Variants in GRID2 observed in about 807,000 individuals in gnomAD.
GRID2 encodes glutamate receptor ionotropic, delta-2.
In GRID2, 33 loss-of-function variants were observed where a neutral mutation model predicts 114.8. The ratio of observed to expected loss-of-function variants is 0.29; its 90% CI spans 0.22 to 0.38. The LOEUF (loss-of-function observed/expected upper bound fraction) is 0.38. GRID2 is among the 10% of genes least tolerant of loss of function. GRID2 has a pLI of 1.00. For synonymous variants in GRID2, 505 were observed against 449.9 expected (o/e 1.12, Z -1.55); for missense variants, 1,184 against 1,257.7 (o/e 0.94, Z 0.89).
chr4:93,704,328 C>T (rs941599917), intron 14 of GRID2, among the ~76,000 whole-genome samples: 7 of 152,124 alleles, frequency 4.6e-5, no homozygotes, highest in Non-Finnish European at 8.8e-5. Flanking sequence ...CCTTCACCCA[C>T]TTTTTGATGG....
intron 4 of GRID2, among the ~76,000 whole-genome samples, chr4:93,126,116 C>T (rs1214356483): frequency 6.6e-6 from 1 of 152,070 alleles, no homozygotes; most frequent in Admixed American, 6.6e-5. Context: ...AAAATAATGT[C>T]AATTTTAAAT....
At chr4:92,397,064 A>G (rs1467446694) in intron 1 of GRID2, among the ~76,000 whole-genome samples, 1 of 152,084 alleles carries the variant, frequency 6.6e-6, no homozygotes, top group Non-Finnish European at 1.5e-5. Flanking sequence ...CAAGTATTCT[A>G]AAATGCCAGC....
chr4:93,014,206 G>T (rs917935692), intron 2 of GRID2, among the ~76,000 whole-genome samples: 1 of 151,960 alleles, frequency 6.6e-6, no homozygotes, highest in Non-Finnish European at 1.5e-5. Flanking sequence ...ATAAACCAAA[G>T]AAATTTATTT....
intron 14 of GRID2, among the ~76,000 whole-genome samples, chr4:93,760,838 T>C (rs1468524152): frequency 1.3e-5 from 2 of 152,222 alleles, no homozygotes; most frequent in African/African-American, 2.4e-5. Flanking sequence ...TTTCTTTTTT[T>C]AGGAGTGTAA....
chr4:92,747,178 A>G lies in GRID2; in HGVS notation c.244+156892A>G, dbSNP rs544339358. ...CTAAAATGATATCTATTGCCGTTTT[A>G]TAATGGCAAAACAATAAGACAGGTT... On this transcript the variant is annotated intron_variant, in intron 2 of 15. Coordinates refer to ENST00000282020, the MANE Select transcript of GRID2 (RefSeq NM_001510.4). Among the ~76,000 whole-genome samples the G allele has an allele frequency of 1.2e-4, 19 of 152,204 alleles. No individual in the cohort carries two copies. The East Asian group carries it at 3.3e-3, about 26-fold the overall frequency.
At chr4:93,144,361 G>T (rs947234325) in intron 4 of GRID2, among the ~76,000 whole-genome samples, 1 of 152,198 alleles carries the variant, frequency 6.6e-6, no homozygotes, top group Non-Finnish European at 1.5e-5. Context: ...AGCTCAAAGA[G>T]GTTAGACAAA....
At chr4:93,137,671 A>G (rs978528677) in intron 4 of GRID2, among the ~76,000 whole-genome samples, 10 of 152,186 alleles carry the variant, frequency 6.6e-5, no homozygotes, top group African/African-American at 2.4e-4. Context: ...ATTAATGGAT[A>G]TAAAGTATAT....
intron 2 of GRID2, among the ~76,000 whole-genome samples, chr4:92,911,822 A>T (rs1193777325): frequency 6.6e-6 from 1 of 151,612 alleles, no homozygotes. Flanking sequence ...TGTTCATGTG[A>T]ATTTAGGATA....
intron 13 of GRID2, among the ~76,000 whole-genome samples, chr4:93,543,232 A>G (rs893998517): frequency 5.3e-5 from 8 of 152,186 alleles, no homozygotes; most frequent in African/African-American, 1.9e-4. Flanking sequence ...CAACTCTCAG[A>G]CAGTTTGAAG....
intron 2 of GRID2, among the ~76,000 whole-genome samples, chr4:92,690,478 G>C (rs1052876326): frequency 5.3e-5 from 8 of 152,138 alleles, no homozygotes; most frequent in Admixed American, 4.6e-4. Context: ...CACCATAACA[G>C]ATATAAAGCA....
intron 8 of GRID2, 122 bp downstream of exon 8, chr4:93,238,612 G>T: frequency 3.1e-6 from 2 of 653,238 alleles, no homozygotes; most frequent in Non-Finnish European, 2.5e-6. Flanking sequence ...AGAGAAAGCA[G>T]GGGGTGAGGG....
intron 2 of GRID2, among the ~76,000 whole-genome samples, chr4:92,671,132 T>C (rs1733045698): frequency 6.6e-6 from 1 of 152,064 alleles, no homozygotes; most frequent in Non-Finnish European, 1.5e-5. Flanking sequence ...CTTGGAGGCC[T>C]CAGGAAACTT....
At position 93,772,720 on chromosome 4, in the gene GRID2, A is replaced by C. The variant is rs1734208823; in HGVS notation, c.*222A>C. On this transcript the variant is annotated 3_prime_UTR_variant, in exon 16 of 16. Coordinates refer to ENST00000282020, the MANE Select transcript of GRID2 (RefSeq NM_001510.4). Reference sequence around the variant, plus strand: ...ACATTTTCCTCCACTTTTTTTCATTACTCAACTTGTTCCCCAAGAAGGTAG... The same window carrying C: ...ACATTTTCCTCCACTTTTTTTCATTCCTCAACTTGTTCCCCAAGAAGGTAG... 1 of 510,284 alleles carries C rather than the reference A, an allele frequency of 2.0e-6. No homozygotes were observed. Among genetic ancestry groups the C allele is most frequent in the South Asian group, 3.5e-5 (1 of 28,254 alleles). 31.6% of individuals were successfully genotyped at this position (510,284 alleles called of 1,614,324 possible). A position where few individuals can be genotyped will look rare whatever the true frequency, so the allele number is the denominator to read the frequency against.
At chr4:92,962,301 T>TG (rs144229421) in intron 2 of GRID2, among the ~76,000 whole-genome samples, 4,291 of 151,972 alleles carry the variant, frequency 0.028, 94 homozygotes, top group Non-Finnish European at 0.044. Flanking sequence ...TTTAGTAATG[T>TG]GGTGGTAAGG....
intron 2 of GRID2, among the ~76,000 whole-genome samples, chr4:92,691,234 C>T (rs1444441315): frequency 6.6e-6 from 1 of 151,986 alleles, no homozygotes; most frequent in Non-Finnish European, 1.5e-5. Context: ...TATTTTATAT[C>T]GTATCCAAAA....
chr4:93,580,806 A>G (rs1023428993), intron 13 of GRID2, among the ~76,000 whole-genome samples: 3 of 151,218 alleles, frequency 2.0e-5, no homozygotes, highest in African/African-American at 7.3e-5. Context: ...CAGTTCTCAA[A>G]ACAACCCCCC....
intron 2 of GRID2, among the ~76,000 whole-genome samples, chr4:92,648,654 A>T: frequency 6.7e-6 from 1 of 149,256 alleles, no homozygotes; most frequent in East Asian, 1.9e-4. Context: ...ATGGTCAAAC[A>T]AGCGGTTGAT....
chr4:92,704,723 T>TTCTC (rs373207037), intron 2 of GRID2, among the ~76,000 whole-genome samples: 25 of 90,098 alleles, frequency 2.8e-4, no homozygotes, highest in Middle Eastern at 0.013. Context: ...CTCTCTCTCT[T>TTCTC]TCTCTCTCTC....
intron 1 of GRID2, among the ~76,000 whole-genome samples, chr4:92,483,576 C>CTAGCTTTGTGGT (rs1490859204): frequency 1.3e-5 from 2 of 152,012 alleles, no homozygotes; most frequent in Non-Finnish European, 2.9e-5. Flanking sequence ...GAGTAAAATC[C>CTAGCTTTGTGGT]TGGGTCAGGA....
Sources: allele counts gnomAD v4.1 joint callset (sites outside exome capture counted in the v4.1 genomes callset), GRCh38; gene constraint gnomAD v4.1.1; transcripts MANE v1.5; gene names NCBI Gene and HGNC (gene_info 2026-07-23, HGNC 2026-07-21).